USH2A: variants seen among roughly 807,000 people sequenced by gnomAD.
The protein encoded by USH2A is usherin.
In USH2A, 443 loss-of-function variants were observed where a neutral mutation model predicts 538.9. The observed-to-expected ratio is 0.82, with a 90% confidence interval of 0.76 to 0.89. The LOEUF is 0.89. Ranked by LOEUF, USH2A falls within the 40% of genes least tolerant of loss-of-function variation. USH2A has a pLI of 0.00. For missense variants in USH2A, 6,633 were observed against 6,324.8 expected, an observed-to-expected ratio of 1.05 and a Z score of -1.65; for synonymous variants, 2,413 against 2,273.5, an observed-to-expected ratio of 1.06 and a Z score of -1.75.
chr1:215,630,053 G>A (rs1036958205), intron 70 of USH2A: 26 of 505,632 alleles, frequency 5.1e-5, no homozygotes, highest in African/African-American at 4.5e-4. Flanking sequence ...TCTTTTTTCA[G>A]TAGAGTTTTC....
intron 38 of USH2A, among the ~76,000 whole-genome samples, chr1:215,908,922 G>T (rs1665705412): frequency 6.6e-6 from 1 of 150,596 alleles, no homozygotes; most frequent in African/African-American, 2.4e-5. Flanking sequence ...GATATGAGTG[G>T]TCCACTTCCC....
intron 38 of USH2A, among the ~76,000 whole-genome samples, chr1:215,930,206 A>T (rs1421147506): frequency 3.9e-5 from 6 of 152,084 alleles, no homozygotes; most frequent in African/African-American, 1.4e-4. Context: ...AAAGCAGTTC[A>T]GAAAAAGATA....
chr1:215,984,414 A>G (rs898461846), intron 35 of USH2A, among the ~76,000 whole-genome samples: 4 of 152,334 alleles, frequency 2.6e-5, no homozygotes, highest in Middle Eastern at 3.4e-3. Flanking sequence ...CACAAAATGG[A>G]TACTTAATTC....
At position 216,089,044 on chromosome 1, in the gene USH2A, A is replaced by G; in HGVS notation, c.4854T>C (p.Phe1618=). ...ATATCCCATCCAGAGTGATTTGGCC[A>G]AAAGCCTGATGCCTAATAGCAATTA... ...HEIIAIRHQA[F]GQITLDGIYT... is the part of the protein sequence containing the mutation. Residue 1618 remains phenylalanine (F), a synonymous_variant, in exon 23 of 72, where the codon TTT becomes TTC. Transcript: ENST00000307340. 6.2e-7 allele frequency: 1 copy of G among 1,613,560 alleles called. No individual in the cohort carries two copies. The highest frequency in any genetic ancestry group is 8.5e-7 in the Non-Finnish European group (1 of 1,179,632).
At chr1:216,385,410 G>A (rs1195794113) in intron 3 of USH2A, among the ~76,000 whole-genome samples, 2 of 152,182 alleles carry the variant, frequency 1.3e-5, no homozygotes, top group Non-Finnish European at 2.9e-5. Context: ...TTGTCCTGAT[G>A]TGGATGATGA....
At chr1:216,145,304 G>T (rs969634002) in intron 21 of USH2A, among the ~76,000 whole-genome samples, 1 of 152,176 alleles carries the variant, frequency 6.6e-6, no homozygotes, top group African/African-American at 2.4e-5. Context: ...AGTACAGCAA[G>T]GGCCAAGGTA....
intron 30 of USH2A, among the ~76,000 whole-genome samples, chr1:216,064,820 T>C (rs1156489530): frequency 2.6e-5 from 4 of 152,164 alleles, no homozygotes; most frequent in African/African-American, 9.7e-5. Flanking sequence ...GTAGGCTATG[T>C]CATCTAGGTT....
intron 49 of USH2A, among the ~76,000 whole-genome samples, chr1:215,809,078 C>T (rs1662582597): frequency 6.6e-6 from 1 of 152,102 alleles, no homozygotes; most frequent in African/African-American, 2.4e-5. Flanking sequence ...CTACCAGAGA[C>T]CAATGAAGGA....
intron 30 of USH2A, among the ~76,000 whole-genome samples, chr1:216,064,547 T>G (rs2031290274): frequency 6.6e-6 from 1 of 151,870 alleles, no homozygotes; most frequent in African/African-American, 2.4e-5. Flanking sequence ...AAAACAATGT[T>G]GAATTAAAGG....
intron 40 of USH2A, among the ~76,000 whole-genome samples, chr1:215,896,249 T>C (rs1014523783): frequency 1.3e-5 from 2 of 152,070 alleles, no homozygotes; most frequent in African/African-American, 4.8e-5. Flanking sequence ...CGATCAAACA[T>C]TTTTAAATAT....
chr1:216,246,273 T>G (rs1057352216), intron 13 of USH2A, among the ~76,000 whole-genome samples: 40 of 152,220 alleles, frequency 2.6e-4, no homozygotes, highest in Admixed American at 1.0e-3. Flanking sequence ...TAAAATTGAC[T>G]CTTGTTGATC....
At position 216,422,031 on chromosome 1, in the gene USH2A, T is replaced by G. The variant is rs763678480; in HGVS notation, c.306A>C (p.Ser102=). The G allele has an allele frequency of 2.5e-6, 4 of 1,613,898 alleles. No individual in the cohort carries two copies. The highest frequency in any genetic ancestry group is 2.5e-6 in the Non-Finnish European group (3 of 1,179,914). ...SSHPTYTALF[S]AGLSSCITPD... Reference sequence around the variant, plus strand: ...GTGTGATGCAGCTACTGAGGCCTGCTGAGAAAAGGGCAGTGTAGGTAGGGT... The same window carrying G: ...GTGTGATGCAGCTACTGAGGCCTGCGGAGAAAAGGGCAGTGTAGGTAGGGT... The change falls in exon 2 of 72, where the codon TCA becomes TCC. Residue 102 remains serine (S), a synonymous_variant. Coordinates refer to ENST00000307340, the MANE Select transcript of USH2A (RefSeq NM_206933.4).
In USH2A at chr1:215,625,784, C is replaced by A. The variant is rs1260512229; in HGVS notation, c.15606G>T (p.Leu5202=). The stretch of plus-strand genomic sequence containing the variant: ...ACGTCTTCTGGGTTTCCATCCTTTA[C>A]AGGTGGGTGTCTGTGAATGTGGTGC... ...KERTTFTDTH[L] The change falls in exon 72 of 72, where the codon CTG becomes CTT. Residue 5202 remains leucine, a synonymous_variant. Coordinates refer to ENST00000307340, the MANE Select transcript of USH2A (RefSeq NM_206933.4). The A allele has an allele frequency of 2.5e-6, 4 of 1,613,924 alleles. No homozygotes were observed. The African/African-American group carries it at 5.3e-5, about 22-fold the overall frequency.
intron 49 of USH2A, among the ~76,000 whole-genome samples, chr1:215,806,422 C>T (rs948614721): frequency 3.3e-5 from 5 of 152,132 alleles, no homozygotes; most frequent in African/African-American, 9.6e-5. Context: ...CAGCTAATTA[C>T]CTGATGCCTT....
chr1:215,957,663 G>A (rs1571846173), intron 37 of USH2A, among the ~76,000 whole-genome samples: 2 of 152,102 alleles, frequency 1.3e-5, no homozygotes, highest in African/African-American at 2.4e-5. Flanking sequence ...CTACAGCTGC[G>A]TGGTGGACGT....
chr1:216,404,760 A>G (rs1182118626), intron 3 of USH2A, among the ~76,000 whole-genome samples: 1 of 151,736 alleles, frequency 6.6e-6, no homozygotes, highest in Non-Finnish European at 1.5e-5. Context: ...AGTTGGGACT[A>G]CAGGTGCACT....
At position 216,014,410 on chromosome 1, in the gene USH2A, T is replaced by G. The variant is rs145072566; in HGVS notation, c.6326-13848A>C. ...TTGAAATTTAAAGCAAAGAGGAAAG[T>G]AATGACAACTCTCCTCCTAGCTTAA... On this transcript the variant is annotated intron_variant, in intron 32 of 71. Transcript: ENST00000307340. 3.8e-4 allele frequency among the ~76,000 whole-genome samples: 58 copies of G among 152,300 alleles called. No individual in the cohort carries two copies. The East Asian group carries it at 7.5e-3, about 20-fold the overall frequency.
At chr1:216,361,423 A>C (rs2038488905) in intron 4 of USH2A, among the ~76,000 whole-genome samples, 1 of 152,156 alleles carries the variant, frequency 6.6e-6, no homozygotes, top group African/African-American at 2.4e-5. Context: ...TAAAATTAAG[A>C]AGATCTGCTT....
chr1:215,905,780 A>C (rs2102474360), intron 38 of USH2A, among the ~76,000 whole-genome samples: 1 of 152,046 alleles, frequency 6.6e-6, no homozygotes, highest in African/African-American at 2.4e-5. Context: ...TTGCTAATTC[A>C]CTAGGAATCT....
Sources: gnomAD v4.1 joint callset for allele counts (sites outside exome capture counted in the v4.1 genomes callset) on GRCh38, gnomAD v4.1.1 for gene constraint, MANE v1.5 for transcripts, NCBI Gene and HGNC (gene_info 2026-07-23, HGNC 2026-07-21) for gene names.